The following GAB2 variants were observed in gnomAD, a reference collection of about 807,000 sequenced individuals.
GAB2 encodes GRB2 associated binding protein 2.
Under a neutral mutation model 65.5 loss-of-function variants are expected in GAB2, and 26 were observed. That is an observed-to-expected ratio of 0.40 (90% CI 0.29 to 0.55). The LOEUF is 0.55. Ranked by LOEUF, GAB2 falls within the 20% of genes least tolerant of loss-of-function variation. GAB2 has a pLI of 0.53. For synonymous variants in GAB2, 321 were observed against 329.6 expected (o/e 0.97, Z 0.28); for missense variants, 884 against 875.8 (o/e 1.01, Z -0.12).
intron 1 of GAB2, 95 bp downstream of exon 1, chr11:78,417,551 G>A: frequency 1.9e-6 from 1 of 535,894 alleles, no homozygotes. Flanking sequence ...CCGGGCCCGA[G>A]CTCCCCAGCC....
At chr11:78,411,910 G>T (rs1857134482) in intron 1 of GAB2, among the ~76,000 whole-genome samples, 1 of 151,852 alleles carries the variant, frequency 6.6e-6, no homozygotes, top group Admixed American at 6.6e-5. Flanking sequence ...CACACCTGTA[G>T]TCCCAGCTAC....
At chr11:78,385,266 C>T (rs1352575988) in intron 1 of GAB2, among the ~76,000 whole-genome samples, 1 of 152,178 alleles carries the variant, frequency 6.6e-6, no homozygotes, top group Non-Finnish European at 1.5e-5. Flanking sequence ...ACTTATGGAT[C>T]TTCACGGGAA....
At chr11:78,360,282 C>T (rs149483252) in intron 1 of GAB2, among the ~76,000 whole-genome samples, 1 of 152,074 alleles carries the variant, frequency 6.6e-6, no homozygotes, top group East Asian at 1.9e-4. Context: ...CAAGAAACTA[C>T]TAAGGGCCTG....
chr11:78,329,684 T>A (rs1855883044), intron 1 of GAB2, among the ~76,000 whole-genome samples: 1 of 152,206 alleles, frequency 6.6e-6, no homozygotes, highest in Admixed American at 6.5e-5. Flanking sequence ...CAGAAAAGCA[T>A]GATTTTATGG....
chr11:78,352,939 G>C (rs1279629557), intron 1 of GAB2, among the ~76,000 whole-genome samples: 1 of 152,194 alleles, frequency 6.6e-6, no homozygotes, highest in Non-Finnish European at 1.5e-5. Context: ...AAAACTGTGA[G>C]TCCTATATCC....
chr11:78,380,515 T>C (rs956053302), intron 1 of GAB2, among the ~76,000 whole-genome samples: 2 of 152,114 alleles, frequency 1.3e-5, no homozygotes, highest in Non-Finnish European at 2.9e-5. Context: ...CATTTGAAAA[T>C]TGGGATGACA....
chr11:78,354,238 G>C (rs915395653), intron 1 of GAB2, among the ~76,000 whole-genome samples: 4 of 152,128 alleles, frequency 2.6e-5, no homozygotes, highest in Non-Finnish European at 4.4e-5. Context: ...CAGGTGGCAG[G>C]CTGTACGTTT....
chr11:78,247,108 T>A (rs953348215), intron 3 of GAB2, among the ~76,000 whole-genome samples: 4 of 152,188 alleles, frequency 2.6e-5, no homozygotes, highest in Non-Finnish European at 4.4e-5. Flanking sequence ...TTTTAGCCAT[T>A]TGCACTGTGC....
chr11:78,322,323 A>AAAAAAAAAAAAAAAAAAT (rs1855741677), intron 1 of GAB2, among the ~76,000 whole-genome samples: 1 of 148,672 alleles, frequency 6.7e-6, no homozygotes, highest in Non-Finnish European at 1.5e-5. Flanking sequence ...AAAAAAAAAA[A>AAAAAAAAAAAAAAAAAAT]AAAAAGTAAG....
intron 1 of GAB2, among the ~76,000 whole-genome samples, chr11:78,291,652 G>GC (rs1222173600): frequency 7.9e-6 from 1 of 126,970 alleles, no homozygotes; most frequent in Admixed American, 1.0e-4. Flanking sequence ...GCTCACTGTA[G>GC]CCCCGACCTC....
chr11:78,407,153 G>A (rs1173501559), intron 1 of GAB2, among the ~76,000 whole-genome samples: 1 of 152,146 alleles, frequency 6.6e-6, no homozygotes, highest in Non-Finnish European at 1.5e-5. Flanking sequence ...CTTGGAAGAA[G>A]AGAAGAAAGA....
intron 1 of GAB2, among the ~76,000 whole-genome samples, chr11:78,414,288 A>C (rs1857166221): frequency 6.6e-6 from 1 of 152,112 alleles, no homozygotes; most frequent in South Asian, 2.1e-4. Flanking sequence ...TATTCCAAGC[A>C]CCTGATCCAG....
At position 78,220,416 on chromosome 11, in the gene GAB2, G is replaced by C. The variant is rs1864363137; in HGVS notation, c.1790C>G (p.Pro597Arg). 6.3e-7 allele frequency: 1 copy of C among 1,590,264 alleles called. No homozygotes were observed. Among genetic ancestry groups the C allele is most frequent in the South Asian group, 1.1e-5 (1 of 89,810 alleles). Residue 597 changes from proline to arginine, a missense_variant, in exon 9 of 10, where the codon CCC becomes CGC. By Grantham distance (103) the Pro-to-Arg change is moderately radical. Coordinates refer to ENST00000361507, the MANE Select transcript of GAB2 (RefSeq NM_080491.3). The part of the protein sequence containing the change: ...MQNPVSASPV[P>R]SGTNSPAPKK... Reference sequence around the variant, plus strand: ...AGGGGCAGGACTGTTCGTGCCACTGGGAACGGGAGATGCAGACACTGGGTT... The same window carrying C: ...AGGGGCAGGACTGTTCGTGCCACTGCGAACGGGAGATGCAGACACTGGGTT...
intron 1 of GAB2, among the ~76,000 whole-genome samples, chr11:78,416,749 C>G (rs966564601): frequency 4.0e-5 from 6 of 150,840 alleles, no homozygotes; most frequent in Non-Finnish European, 8.8e-5. Flanking sequence ...TTTGACCTCA[C>G]CAGGCAAGGC....
intron 1 of GAB2, among the ~76,000 whole-genome samples, chr11:78,324,080 G>A (rs1037287167): frequency 6.6e-6 from 1 of 151,496 alleles, no homozygotes; most frequent in Non-Finnish European, 1.5e-5. Flanking sequence ...TAACAGTCAT[G>A]ATCCACCATG....
At chr11:78,233,076 A>G (rs1042958420) in intron 3 of GAB2, among the ~76,000 whole-genome samples, 11 of 132,632 alleles carry the variant, frequency 8.3e-5, no homozygotes, top group Non-Finnish European at 1.4e-4. Flanking sequence ...GTCTGGCTCT[A>G]TTGCCCAGGC....
chr11:78,346,715 AT>A (rs2057399329), intron 1 of GAB2, among the ~76,000 whole-genome samples: 4 of 44,026 alleles, frequency 9.1e-5, no homozygotes, highest in Non-Finnish European at 1.9e-4. Flanking sequence ...ATATATATAT[AT>A]ATATAATTTT....
chr11:78,332,986 A>G (rs1451361781), intron 1 of GAB2, among the ~76,000 whole-genome samples: 5 of 152,212 alleles, frequency 3.3e-5, no homozygotes, highest in Admixed American at 6.5e-5. Flanking sequence ...TATCCCCTAT[A>G]GCAGATCAAG....
intron 1 of GAB2, among the ~76,000 whole-genome samples, chr11:78,341,459 C>G (rs1267439594): frequency 6.6e-6 from 1 of 152,046 alleles, no homozygotes; most frequent in African/African-American, 2.4e-5. Flanking sequence ...ACTAGTAGAC[C>G]CTGGGATTAA....
Sources: allele counts gnomAD v4.1 joint callset (sites outside exome capture counted in the v4.1 genomes callset), GRCh38; gene constraint gnomAD v4.1.1; transcripts MANE v1.5; gene names NCBI Gene and HGNC (gene_info 2026-07-23, HGNC 2026-07-21).